The following CCDC73 variants were observed in gnomAD, a reference collection of about 807,000 sequenced individuals.
CCDC73 encodes coiled-coil domain containing 73, also known as coiled-coil domain-containing protein 73.
A neutral mutation model predicts 116.5 loss-of-function variants in CCDC73; 95 were observed. That is an observed-to-expected ratio of 0.82 (90% CI 0.69 to 0.97). The LOEUF (loss-of-function observed/expected upper bound fraction) is 0.97, where lower values mean the gene tolerates loss of function less well. Among genes scored for constraint, CCDC73 ranks in the 50% least tolerant of loss-of-function variants. The pLI, the probability that CCDC73 is intolerant of heterozygous loss-of-function variation, is 0.00. For synonymous variants in CCDC73, 398 were observed against 401.3 expected (o/e 0.99, Z 0.10); for missense variants, 1,066 against 1,206.8 (o/e 0.88, Z 1.73).
At chr11:32,621,634 C>G (rs1213586511) in intron 14 of CCDC73, among the ~76,000 whole-genome samples, 1 of 152,102 alleles carries the variant, frequency 6.6e-6, no homozygotes, top group Non-Finnish European at 1.5e-5. Context: ...ATGATGAAAT[C>G]ACCAAAAGCA....
intron 6 of CCDC73, among the ~76,000 whole-genome samples, chr11:32,690,951 T>C (rs1056461150): frequency 6.6e-6 from 1 of 152,152 alleles, no homozygotes; most frequent in Admixed American, 6.5e-5. Context: ...ATGACATGTG[T>C]CCACCATTAG....
At chr11:32,655,488 T>C (rs919369303) in intron 9 of CCDC73, among the ~76,000 whole-genome samples, 4 of 152,130 alleles carry the variant, frequency 2.6e-5, no homozygotes, top group Non-Finnish European at 5.9e-5. Context: ...AACAAAGGGG[T>C]AGGCATTCCA....
the CCDC73 span, among the ~76,000 whole-genome samples, chr11:32,823,453 G>A: frequency 1.3e-5 from 2 of 152,050 alleles, no homozygotes; most frequent in Non-Finnish European, 1.5e-5. Context: ...CAGCCTTGGC[G>A]ACAGAGCGAG....
At position 32,602,734 on chromosome 11, in the gene CCDC73, AAC is replaced by A. The variant is rs1435025628; in HGVS notation, c.*75_*76del. On this transcript the variant is annotated 3_prime_UTR_variant, in exon 18 of 18. Transcript: ENST00000335185. ...AGACAAACTGTAGAGCTTTAAATAC[AAC>A]AGTCATTTTATTCTAGTAAAAACTA... The A allele has an allele frequency of 9.8e-6, 11 of 1,123,220 alleles. No homozygotes were observed. The highest frequency in any genetic ancestry group is 1.6e-5 in the African/African-American group (1 of 63,330). The allele number at this position is 1,123,220 out of a possible 1,614,324, so 69.6% of individuals were successfully genotyped here. A position where few individuals can be genotyped will look rare whatever the true frequency, so the allele number is the denominator to read the frequency against.
intron 17 of CCDC73, chr11:32,604,433 C>T (rs189214636): frequency 9.2e-5 from 14 of 152,224 alleles, no homozygotes; most frequent in Admixed American, 3.9e-4. Flanking sequence ...GGGATATACA[C>T]GTGTATTTTA....
intron 12 of CCDC73, among the ~76,000 whole-genome samples, chr11:32,645,054 G>A (rs1373960292): frequency 6.6e-6 from 1 of 151,994 alleles, no homozygotes; most frequent in African/African-American, 2.4e-5. Flanking sequence ...TAAAGCCACT[G>A]TAAATATTAT....
chr11:32,685,842 C>G (rs923319258), intron 6 of CCDC73, among the ~76,000 whole-genome samples: 47 of 151,586 alleles, frequency 3.1e-4, no homozygotes, highest in African/African-American at 1.1e-3. Context: ...CTGCCTCAGC[C>G]TCCCGAGTAG....
intron 14 of CCDC73, among the ~76,000 whole-genome samples, chr11:32,617,720 C>T (rs779661453): frequency 3.9e-5 from 6 of 152,120 alleles, no homozygotes; most frequent in Non-Finnish European, 5.9e-5. Flanking sequence ...AAGTAGATGA[C>T]TGGTGGATGT....
upstream of CCDC73, among the ~76,000 whole-genome samples, chr11:32,799,489 T>A (rs1850753220): frequency 6.6e-6 from 1 of 152,092 alleles, no homozygotes; most frequent in African/African-American, 2.4e-5. Flanking sequence ...GCCTGTGGGT[T>A]TTTTTTAATG....
At chr11:32,828,580 C>T in the CCDC73 span, among the ~76,000 whole-genome samples, 3 of 151,658 alleles carry the variant, frequency 2.0e-5, no homozygotes, top group Admixed American at 6.6e-5. Context: ...CAGACCACTT[C>T]GACCAAAGCA....
chr11:32,738,453 A>G (rs1470544353), intron 2 of CCDC73, among the ~76,000 whole-genome samples: 1 of 152,192 alleles, frequency 6.6e-6, no homozygotes, highest in Non-Finnish European at 1.5e-5. Flanking sequence ...TCTGATGATC[A>G]GTGATGTTGA....
chr11:32,751,218 C>T (rs1850284811), intron 2 of CCDC73, among the ~76,000 whole-genome samples: 1 of 152,168 alleles, frequency 6.6e-6, no homozygotes. Context: ...CCTCTTCCCT[C>T]TCCTCTCTTC....
At chr11:32,696,617 G>C (rs757243513) in intron 6 of CCDC73, among the ~76,000 whole-genome samples, 4 of 151,684 alleles carry the variant, frequency 2.6e-5, no homozygotes, top group Non-Finnish European at 5.9e-5. Context: ...TATTTTTTTT[G>C]TACAGACGCG....
At chr11:32,674,037 C>T (rs949144220) in intron 9 of CCDC73, among the ~76,000 whole-genome samples, 2 of 152,206 alleles carry the variant, frequency 1.3e-5, no homozygotes, top group Non-Finnish European at 2.9e-5. Context: ...TTCCTCCCAT[C>T]TCCTGCCTAG....
intron 2 of CCDC73, among the ~76,000 whole-genome samples, chr11:32,719,817 A>G (rs1291871009): frequency 6.6e-6 from 1 of 152,164 alleles, no homozygotes; most frequent in Non-Finnish European, 1.5e-5. Context: ...AAATTGGCCA[A>G]TGTCTCGAAA....
chr11:32,747,616 A>C (rs1246717862), intron 2 of CCDC73, among the ~76,000 whole-genome samples: 1 of 151,458 alleles, frequency 6.6e-6, no homozygotes, highest in East Asian at 1.9e-4. Flanking sequence ...GCTTTGTTTA[A>C]ACGGTGAGCA....
intron 13 of CCDC73, among the ~76,000 whole-genome samples, chr11:32,641,421 TA>T (rs1265700850): frequency 3.3e-5 from 5 of 151,860 alleles, no homozygotes; most frequent in South Asian, 4.1e-4. Context: ...TATTATAAAA[TA>T]AAAAAATATG....
chr11:32,742,824 A>AT (rs1850200498), intron 2 of CCDC73, among the ~76,000 whole-genome samples: 1 of 151,980 alleles, frequency 6.6e-6, no homozygotes, highest in African/African-American at 2.4e-5. Context: ...TCTTGAGTTG[A>AT]TTTTTGTATA....
chr11:32,796,189 T>A (rs1590653045), upstream of CCDC73, among the ~76,000 whole-genome samples: 1 of 152,274 alleles, frequency 6.6e-6, no homozygotes, highest in African/African-American at 2.4e-5. Context: ...CACCATCTCG[T>A]CTGGTATATT....
Sources: gnomAD v4.1 joint callset for allele counts (sites outside exome capture counted in the v4.1 genomes callset) on GRCh38, gnomAD v4.1.1 for gene constraint, MANE v1.5 for transcripts, NCBI Gene and HGNC (gene_info 2026-07-23, HGNC 2026-07-21) for gene names.